Variants in GRID2 observed in about 807,000 individuals in gnomAD.
GRID2 encodes the protein glutamate receptor ionotropic, delta-2.
GRID2 carries 33 observed loss-of-function variants against 114.8 expected under a neutral mutation model. The ratio of observed to expected loss-of-function variants is 0.29; its 90% CI spans 0.22 to 0.38. The LOEUF is 0.38. Ranked by LOEUF, GRID2 falls within the 10% of genes least tolerant of loss-of-function variation. The probability of loss-of-function intolerance (pLI) is 1.00; values close to 1 mark genes in which losing one functional copy is unlikely to be tolerated. For missense variants in GRID2, 1,184 were observed against 1,257.7 expected (o/e 0.94, Z 0.89); for synonymous variants, 505 against 449.9 (o/e 1.12, Z -1.55).
intron 1 of GRID2, among the ~76,000 whole-genome samples, chr4:92,401,177 G>A (rs774172664): frequency 3.7e-4 from 56 of 152,090 alleles, no homozygotes; most frequent in Non-Finnish European, 5.4e-4. Flanking sequence ...AAGGTCACAA[G>A]GTCAGATTCC....
chr4:92,867,420 G>A (rs778808193), intron 2 of GRID2, among the ~76,000 whole-genome samples: 2 of 151,558 alleles, frequency 1.3e-5, no homozygotes, highest in African/African-American at 2.4e-5. Flanking sequence ...ACATCTAATG[G>A]CGATACCACA....
Position 92,820,369 on chromosome 4 carries a change from C to A in GRID2, c.244+230083C>A, listed in dbSNP as rs553140406. On this transcript the variant is annotated intron_variant, in intron 2 of 15. Transcript: ENST00000282020. ...GGGATTCTAAAGGGCACTCTAATGC[C>A]TTTAGATTTAAGCTGAAAGTCAGAG... is the stretch of plus-strand genomic sequence containing the variant. Among the ~76,000 whole-genome samples, 3 of 152,220 alleles carry A rather than the reference C, an allele frequency of 2.0e-5. No homozygotes were observed. In the South Asian group the frequency reaches 6.2e-4, roughly 32 times the overall value.
chr4:92,941,204 T>G lies in GRID2; in HGVS notation c.245-143791T>G, dbSNP rs1002293382. ...CTGTGAATCCCTCTGGTCCTGGACT[T>G]TTTTTGGTTGGTAAGCTATTAATTA... On this transcript the variant is annotated intron_variant, in intron 2 of 15. Coordinates refer to ENST00000282020, the MANE Select transcript of GRID2 (RefSeq NM_001510.4). Among the ~76,000 whole-genome samples the G allele has an allele frequency of 4.6e-5, 7 of 151,938 alleles. No individual in the cohort carries two copies. In the East Asian group the frequency reaches 5.8e-4, roughly 13 times the overall value.
At position 92,838,658 on chromosome 4, in the gene GRID2, A is replaced by G. The variant is rs1247892662; in HGVS notation, c.245-246337A>G. The G allele has an allele frequency of 2.0e-5, 3 of 152,106 alleles. 1 individual carries two copies. The highest frequency in any genetic ancestry group is 2.9e-5 in the Non-Finnish European group (2 of 68,018). The allele number at this position is 152,106 out of a possible 1,614,324, so 9.4% of individuals were successfully genotyped here. On this transcript the variant is annotated intron_variant, in intron 2 of 15. Coordinates refer to ENST00000282020, the MANE Select transcript of GRID2 (RefSeq NM_001510.4). Reference sequence around the variant, plus strand: ...GTAACCTTGAAAAAATAACTTTAATATTTTAACATGGAGAAAATGACATGG... The same window carrying G: ...GTAACCTTGAAAAAATAACTTTAATGTTTTAACATGGAGAAAATGACATGG...
intron 2 of GRID2, among the ~76,000 whole-genome samples, chr4:92,618,224 T>TA (rs1174509311): frequency 6.6e-6 from 1 of 151,796 alleles, no homozygotes; most frequent in Non-Finnish European, 1.5e-5. Context: ...TTTTTCTGCC[T>TA]ATGGATATCC....
chr4:93,471,888 CG>C (rs1388589773), intron 11 of GRID2, among the ~76,000 whole-genome samples: 10 of 148,416 alleles, frequency 6.7e-5, no homozygotes, highest in African/African-American at 2.5e-4. Context: ...TTAGGAGAGA[CG>C]GGGTTTCCCC....
At chr4:93,782,040 G>C (rs970756108) in intron 1 of GRID2, among the ~76,000 whole-genome samples, 1 of 152,074 alleles carries the variant, frequency 6.6e-6, no homozygotes, top group African/African-American at 2.4e-5. Flanking sequence ...GTTCTCCGCT[G>C]GTTCTTCAAA....
chr4:92,656,531 A>G (rs946687027), intron 2 of GRID2, among the ~76,000 whole-genome samples: 1 of 151,720 alleles, frequency 6.6e-6, no homozygotes, highest in Non-Finnish European at 1.5e-5. Context: ...AAAGTTTGTG[A>G]AATTGGTCTG....
intron 8 of GRID2, among the ~76,000 whole-genome samples, chr4:93,353,098 G>A (rs975352221): frequency 2.0e-5 from 3 of 152,082 alleles, no homozygotes; most frequent in Admixed American, 6.6e-5. Context: ...AAAGCCAGGT[G>A]AGGCTGAAGA....
At chr4:93,518,203 T>A (rs999397568) in intron 13 of GRID2, among the ~76,000 whole-genome samples, 1 of 151,634 alleles carries the variant, frequency 6.6e-6, no homozygotes, top group South Asian at 2.1e-4. Flanking sequence ...TCAGTCTGTA[T>A]TTGTTCTTAA....
chr4:93,787,235 C>T (rs1734610826), intron 1 of GRID2, among the ~76,000 whole-genome samples: 1 of 151,882 alleles, frequency 6.6e-6, no homozygotes, highest in Non-Finnish European at 1.5e-5. Flanking sequence ...GTCACATGGC[C>T]ACATCAAAAC....
intron 1 of GRID2, among the ~76,000 whole-genome samples, chr4:92,477,733 CAG>C (rs1307766010): frequency 2.0e-5 from 3 of 148,066 alleles, no homozygotes; most frequent in Non-Finnish European, 4.5e-5. Context: ...ATCAATTAAA[CAG>C]GGTATATATG....
At chr4:93,767,787 T>C (rs1045331670) in intron 14 of GRID2, among the ~76,000 whole-genome samples, 10 of 152,212 alleles carry the variant, frequency 6.6e-5, no homozygotes, top group African/African-American at 2.4e-4. Flanking sequence ...TTCTCTGAAC[T>C]CTTAAATTGT....
At chr4:93,734,769 A>AT (rs1268991427) in intron 14 of GRID2, among the ~76,000 whole-genome samples, 1 of 151,964 alleles carries the variant, frequency 6.6e-6, no homozygotes. Context: ...TTTATTTAAA[A>AT]TTTTTTAAGG....
chr4:93,431,552 C>T (rs1160619273), intron 10 of GRID2, among the ~76,000 whole-genome samples: 5 of 152,090 alleles, frequency 3.3e-5, no homozygotes, highest in African/African-American at 4.8e-5. Flanking sequence ...TGTTGGTTAC[C>T]CAAGCCAGAA....
chr4:92,966,813 A>G (rs1382000122), intron 2 of GRID2, among the ~76,000 whole-genome samples: 2 of 151,966 alleles, frequency 1.3e-5, no homozygotes, highest in Admixed American at 6.6e-5. Context: ...GTGAAAATGA[A>G]CCAATAAAGG....
chr4:93,555,180 G>T (rs1327249381), intron 13 of GRID2, among the ~76,000 whole-genome samples: 1 of 152,144 alleles, frequency 6.6e-6, no homozygotes, highest in Non-Finnish European at 1.5e-5. Flanking sequence ...AAACTGGGTG[G>T]CCACTTGGGC....
rs1220138317 is a variant in GRID2, at chr4:92,668,397, G to T, written c.244+78111G>T. 3.3e-5 allele frequency among the ~76,000 whole-genome samples: 5 copies of T among 151,762 alleles called. No individual in the cohort carries two copies. The East Asian group carries it at 9.7e-4, about 29-fold the overall frequency. ...ATTTAAGCTACTATACACTGTGATTGGATTTTTTTATTCTCTTTATGTACC... is the reference window on the plus strand; with the variant it reads ...ATTTAAGCTACTATACACTGTGATTTGATTTTTTTATTCTCTTTATGTACC... On this transcript the variant is annotated intron_variant, in intron 2 of 15. Transcript: ENST00000282020.
At chr4:92,537,621 T>C (rs1054676551) in intron 1 of GRID2, among the ~76,000 whole-genome samples, 4 of 152,348 alleles carry the variant, frequency 2.6e-5, no homozygotes, top group South Asian at 2.1e-4. Flanking sequence ...CTATATTATA[T>C]GAGTAATTAT....
Sources: gnomAD v4.1 joint callset for allele counts (sites outside exome capture counted in the v4.1 genomes callset) on GRCh38, gnomAD v4.1.1 for gene constraint, MANE v1.5 for transcripts, NCBI Gene and HGNC (gene_info 2026-07-23, HGNC 2026-07-21) for gene names.